The following XNDC1N variants were observed in gnomAD, a reference collection of about 807,000 sequenced individuals.
The protein encoded by XNDC1N is protein XNDC1N.
the XNDC1N span, among the ~76,000 whole-genome samples, chr11:71,885,286 AAAGT>A: frequency 4.6e-5 from 7 of 152,132 alleles, no homozygotes; most frequent in Admixed American, 3.9e-4. Flanking sequence ...TGTGATATTG[AAAGT>A]AATATCACAT....
At chr11:71,871,595 C>G in the XNDC1N span, among the ~76,000 whole-genome samples, 2 of 152,158 alleles carry the variant, frequency 1.3e-5, no homozygotes, top group Admixed American at 1.3e-4. Flanking sequence ...AATTATTCCA[C>G]ATTGAATTCA....
chr11:71,920,287 C>G, the XNDC1N span, among the ~76,000 whole-genome samples: 1 of 145,726 alleles, frequency 6.9e-6, no homozygotes, highest in Non-Finnish European at 1.5e-5. Context: ...CACCATGATA[C>G]GCTATTTCAT....
the XNDC1N span, among the ~76,000 whole-genome samples, chr11:71,925,060 CTT>C: frequency 6.6e-6 from 1 of 151,778 alleles, no homozygotes; most frequent in Non-Finnish European, 1.5e-5. Context: ...TTGGAATGTT[CTT>C]TCTCTTTCCC....
At chr11:71,878,120 C>G in the XNDC1N span, among the ~76,000 whole-genome samples, 147 of 152,302 alleles carry the variant, frequency 9.7e-4, no homozygotes, top group African/African-American at 3.5e-3. Context: ...TGCTTTTCCT[C>G]TATAACTGCT....
At chr11:71,895,872 C>T in the XNDC1N span, among the ~76,000 whole-genome samples, 4 of 152,306 alleles carry the variant, frequency 2.6e-5, no homozygotes, top group South Asian at 8.3e-4. Flanking sequence ...AAGGAAGAAA[C>T]TCCTCTCCAC....
At chr11:71,916,002 G>A in the XNDC1N span, 3 of 669,514 alleles carry the variant, frequency 4.5e-6, no homozygotes, top group Admixed American at 4.3e-5. Context: ...TCTCAAACAA[G>A]CATCAGTTTC....
At chr11:71,873,034 T>C in the XNDC1N span, among the ~76,000 whole-genome samples, 1 of 152,188 alleles carries the variant, frequency 6.6e-6, no homozygotes, top group South Asian at 2.1e-4. Flanking sequence ...TCAACTAATA[T>C]ATGAATCTTC....
chr11:71,920,396 C>G, the XNDC1N span, among the ~76,000 whole-genome samples: 1 of 152,106 alleles, frequency 6.6e-6, no homozygotes, highest in Admixed American at 6.5e-5. Context: ...CAACCTCCGC[C>G]TCCCGGGTTC....
At chr11:71,911,967 TGGA>T in the XNDC1N span, among the ~76,000 whole-genome samples, 1 of 152,146 alleles carries the variant, frequency 6.6e-6, no homozygotes, top group Non-Finnish European at 1.5e-5. Context: ...GGACAATTGA[TGGA>T]GGAAGGATGG....
At chr11:71,910,090 G>T in the XNDC1N span, among the ~76,000 whole-genome samples, 1 of 152,130 alleles carries the variant, frequency 6.6e-6, no homozygotes, top group Non-Finnish European at 1.5e-5. Flanking sequence ...GCCCTTCAAG[G>T]TATCCAGGTC....
the XNDC1N span, among the ~76,000 whole-genome samples, chr11:71,921,412 G>A: frequency 6.6e-6 from 1 of 152,050 alleles, no homozygotes; most frequent in African/African-American, 2.4e-5. Flanking sequence ...CCAAAGTGTT[G>A]GGATTACAGG....
At chr11:71,868,745 T>C in the XNDC1N span, among the ~76,000 whole-genome samples, 5 of 152,174 alleles carry the variant, frequency 3.3e-5, no homozygotes, top group Non-Finnish European at 5.9e-5. Context: ...GAGAATCTGA[T>C]GACATATGTC....
the XNDC1N span, chr11:71,928,101 G>A: frequency 2.9e-4 from 73 of 255,126 alleles, no homozygotes; most frequent in Non-Finnish European, 4.6e-4. Context: ...TAAAAAGGAG[G>A]GTAAGGCAGA....
the XNDC1N span, among the ~76,000 whole-genome samples, chr11:71,897,965 C>A: frequency 6.6e-6 from 1 of 152,194 alleles, no homozygotes; most frequent in Non-Finnish European, 1.5e-5. Context: ...GGCGGATCAC[C>A]TGAGGTCAGG....
the XNDC1N span, among the ~76,000 whole-genome samples, chr11:71,909,951 G>A: frequency 2.4e-4 from 37 of 152,200 alleles, no homozygotes; most frequent in East Asian, 1.5e-3. Context: ...TAACTGAGCC[G>A]GGCCAAGAGA....
the XNDC1N span, among the ~76,000 whole-genome samples, chr11:71,892,175 G>A: frequency 1.3e-5 from 2 of 152,072 alleles, no homozygotes; most frequent in African/African-American, 2.4e-5. Context: ...AGGGTATTAC[G>A]AATAATTTCA....
the XNDC1N span, among the ~76,000 whole-genome samples, chr11:71,919,178 A>G: frequency 6.6e-6 from 1 of 152,162 alleles, no homozygotes; most frequent in Admixed American, 6.5e-5. Context: ...GAATACTGTT[A>G]TCATGTGCCA....
At chr11:71,877,948 T>C in the XNDC1N span, among the ~76,000 whole-genome samples, 1 of 152,242 alleles carries the variant, frequency 6.6e-6, no homozygotes. Flanking sequence ...TCTCATTCGA[T>C]CGATTGGACA....
At chr11:71,880,546 C>T in the XNDC1N span, among the ~76,000 whole-genome samples, 97 of 151,990 alleles carry the variant, frequency 6.4e-4, no homozygotes, top group African/African-American at 2.2e-3. Context: ...TATTTCTTTC[C>T]TTCTCCTAAG....
Sources: allele counts gnomAD v4.1 joint callset (sites outside exome capture counted in the v4.1 genomes callset), GRCh38; gene constraint gnomAD v4.1.1; transcripts MANE v1.5; gene names NCBI Gene and HGNC (gene_info 2026-07-23, HGNC 2026-07-21).